The following SBF2 variants were observed in gnomAD, a reference collection of about 807,000 sequenced individuals.
The protein encoded by SBF2 is SET binding factor 2, also known as myotubularin-related protein 13.
SBF2 carries 112 observed loss-of-function variants against 225.2 expected under a neutral mutation model. The ratio of observed to expected loss-of-function variants is 0.50; its 90% CI spans 0.43 to 0.58. The LOEUF (loss-of-function observed/expected upper bound fraction) is 0.58. Ranked by LOEUF, SBF2 falls within the 20% of genes least tolerant of loss-of-function variation. The pLI is 0.00. For missense variants in SBF2, 1,996 were observed against 2,206.2 expected (o/e 0.90, Z 1.91); for synonymous variants, 763 against 773.3 (o/e 0.99, Z 0.22).
Position 9,856,711 on chromosome 11 carries a change from G to C in SBF2, c.2110C>G (p.Pro704Ala), listed in dbSNP as rs1469279320. ...APHLKQKDKL[P>A]DDHYQEKTAM... ...GTCTTCTCCTGATAATGGTCATCAG[G>C]AAGCTTATCCTAAAAAATAAAGCAA... The change falls in exon 19 of 40, where the codon CCT becomes GCT. Residue 704 changes from proline to alanine, a missense_variant. Coordinates refer to ENST00000256190, the MANE Select transcript of SBF2 (RefSeq NM_030962.4). 1 of 1,613,646 alleles carries C rather than the reference G, an allele frequency of 6.2e-7. No homozygotes were observed. Among genetic ancestry groups the C allele is most frequent in the East Asian group, 2.2e-5 (1 of 44,896 alleles).
chr11:10,013,487 T>C (rs1449340186), intron 6 of SBF2, among the ~76,000 whole-genome samples: 2 of 152,346 alleles, frequency 1.3e-5, no homozygotes, highest in Admixed American at 6.5e-5. Context: ...CATTTGCTTT[T>C]GGTCAATTTC....
At chr11:10,116,872 T>A (rs1953167952) in intron 2 of SBF2, among the ~76,000 whole-genome samples, 1 of 152,230 alleles carries the variant, frequency 6.6e-6, no homozygotes, top group East Asian at 1.9e-4. Context: ...CATTGTTATG[T>A]AAGTTACCCA....
At chr11:10,066,559 A>G (rs895072579) in intron 2 of SBF2, among the ~76,000 whole-genome samples, 1 of 152,172 alleles carries the variant, frequency 6.6e-6, no homozygotes, top group Non-Finnish European at 1.5e-5. Flanking sequence ...CGCATTTGAC[A>G]AAAGTGAGCA....
rs184602871 is a variant in SBF2, at chr11:9,834,399, G to A, written c.3456-1979C>T. 3.6e-3 allele frequency among the ~76,000 whole-genome samples: 544 copies of A among 152,282 alleles called. 3 individuals are homozygous for A. The highest frequency in any genetic ancestry group is 0.012 in the African/African-American group (511 of 41,554). Reference sequence around the variant, plus strand: ...CCTTTTTTATGTGTACAAACCAGTGGCATTTAGTACATTCCCAATGTTATG... The same window carrying A: ...CCTTTTTTATGTGTACAAACCAGTGACATTTAGTACATTCCCAATGTTATG... On this transcript the variant is annotated intron_variant, in intron 26 of 39. Transcript: ENST00000256190.
Position 10,268,958 on chromosome 11 carries a change from CTATGCAGT to C in SBF2, c.55+25049_55+25056del, listed in dbSNP as rs569372513. Among the ~76,000 whole-genome samples the C allele has an allele frequency of 8.1e-4, 124 of 152,262 alleles. 1 individual carries two copies. The highest frequency in any genetic ancestry group is 2.8e-3 in the African/African-American group (117 of 41,552). On this transcript the variant is annotated intron_variant, in intron 1 of 39. Transcript: ENST00000256190. ...CCTTAGCATCTTCGTCTTCATGAAG[CTATGCAGT>C]TTCCTCTGTTGTTTCTTAAGCAATA...
intron 2 of SBF2, among the ~76,000 whole-genome samples, chr11:10,178,476 T>A (rs1045514265): frequency 2.7e-5 from 4 of 146,398 alleles, no homozygotes; most frequent in Non-Finnish European, 4.5e-5. Context: ...GAATCTACAA[T>A]GAACTCAAAC....
intron 33 of SBF2, among the ~76,000 whole-genome samples, chr11:9,791,742 A>G (rs894657444): frequency 6.6e-6 from 1 of 152,226 alleles, no homozygotes; most frequent in African/African-American, 2.4e-5. Flanking sequence ...CACCTTGTAT[A>G]TTGCTCCATT....
At chr11:9,832,191 C>A (rs747112293) in intron 27 of SBF2, 33 bp downstream of exon 27, 1 of 1,548,728 alleles carries the variant, frequency 6.5e-7, no homozygotes, top group Non-Finnish European at 8.9e-7. Flanking sequence ...CTTATGTGAA[C>A]GGGTGGTAAT....
At chr11:10,144,657 C>T (rs1487084815) in intron 2 of SBF2, among the ~76,000 whole-genome samples, 1 of 152,164 alleles carries the variant, frequency 6.6e-6, no homozygotes, top group Non-Finnish European at 1.5e-5. Flanking sequence ...AAACTTTAAA[C>T]ACATTCTAGG....
At chr11:10,253,602 T>G (rs1960581355) in intron 1 of SBF2, among the ~76,000 whole-genome samples, 1 of 152,190 alleles carries the variant, frequency 6.6e-6, no homozygotes, top group South Asian at 2.1e-4. Flanking sequence ...AAGTCTGCAT[T>G]ACTTTTTGCT....
intron 2 of SBF2, among the ~76,000 whole-genome samples, chr11:10,053,780 A>G (rs1265510252): frequency 6.6e-6 from 1 of 151,672 alleles, no homozygotes; most frequent in Non-Finnish European, 1.5e-5. Flanking sequence ...ATTAACCAAG[A>G]GTAGTGGCAT....
chr11:10,239,296 C>T (rs1959177411), intron 1 of SBF2, among the ~76,000 whole-genome samples: 1 of 150,666 alleles, frequency 6.6e-6, no homozygotes, highest in South Asian at 2.2e-4. Context: ...CCCTAACCAA[C>T]TGCAATTAAC....
chr11:9,818,696 T>C (rs1854586755), intron 28 of SBF2, among the ~76,000 whole-genome samples: 1 of 152,174 alleles, frequency 6.6e-6, no homozygotes, highest in Non-Finnish European at 1.5e-5. Flanking sequence ...CCAAGAAAAG[T>C]TTTTATTGGT....
intron 2 of SBF2, among the ~76,000 whole-genome samples, chr11:10,093,356 T>C (rs1951862295): frequency 1.4e-5 from 2 of 146,622 alleles, no homozygotes. Flanking sequence ...CCAAATATAC[T>C]AACAGCTTCA....
chr11:9,931,309 G>A (rs1304690917), intron 16 of SBF2, among the ~76,000 whole-genome samples: 1 of 152,212 alleles, frequency 6.6e-6, no homozygotes, highest in Admixed American at 6.5e-5. Flanking sequence ...CCTCAAGTGG[G>A]TCCCTGACCC....
At chr11:10,166,554 T>C (rs897702542) in intron 2 of SBF2, among the ~76,000 whole-genome samples, 1 of 152,120 alleles carries the variant, frequency 6.6e-6, no homozygotes, top group Non-Finnish European at 1.5e-5. Flanking sequence ...AAAATGTTAA[T>C]CTAAAAATGA....
intron 2 of SBF2, among the ~76,000 whole-genome samples, chr11:10,120,686 T>G (rs12224149): frequency 6.6e-6 from 1 of 152,066 alleles, no homozygotes; most frequent in Admixed American, 6.6e-5. Flanking sequence ...AGTGGCGTGA[T>G]CTCAGCTCAC....
At chr11:10,007,836 A>C (rs1239203539) in intron 6 of SBF2, among the ~76,000 whole-genome samples, 1 of 152,178 alleles carries the variant, frequency 6.6e-6, no homozygotes, top group Admixed American at 6.5e-5. Flanking sequence ...CAGTGGACCC[A>C]CTAGAAACCA....
At chr11:10,166,529 A>G (rs1177109352) in intron 2 of SBF2, among the ~76,000 whole-genome samples, 1 of 152,096 alleles carries the variant, frequency 6.6e-6, no homozygotes, top group Non-Finnish European at 1.5e-5. Flanking sequence ...ATATACTTCT[A>G]TATTTATACA....
Sources: gnomAD v4.1 joint callset for allele counts (sites outside exome capture counted in the v4.1 genomes callset) on GRCh38, gnomAD v4.1.1 for gene constraint, MANE v1.5 for transcripts, NCBI Gene and HGNC (gene_info 2026-07-23, HGNC 2026-07-21) for gene names.